OR56A3: variants seen among roughly 807,000 people sequenced by gnomAD.
The protein encoded by OR56A3 is olfactory receptor 56A3.
OR56A3 carries 23 observed loss-of-function variants against 17.5 expected under a neutral mutation model. The observed-to-expected ratio is 1.32, with a 90% CI of 0.95 to 1.87. The LOEUF is 1.87. Among genes scored for constraint, OR56A3 ranks in the 40% most tolerant of loss-of-function variants. The pLI, the probability that OR56A3 is intolerant of heterozygous loss-of-function variation, is 0.00. For synonymous variants in OR56A3, 175 were observed against 150.6 expected (o/e 1.16, Z -1.19); for missense variants, 366 against 380.1 (o/e 0.96, Z 0.31).
chr11:5,991,473 T>C, the OR56A3 span, among the ~76,000 whole-genome samples: 2 of 152,338 alleles, frequency 1.3e-5, no homozygotes, highest in African/African-American at 4.8e-5. Context: ...CCATGTCCAC[T>C]AGCATCTAAA....
the OR56A3 span, chr11:5,994,075 G>T: frequency 6.2e-6 from 3 of 481,026 alleles, no homozygotes; most frequent in South Asian, 1.5e-5. Flanking sequence ...GTTCAGCAGG[G>T]CTTCCTACTC....
chr11:6,003,349 A>G, the OR56A3 span, among the ~76,000 whole-genome samples: 3 of 152,338 alleles, frequency 2.0e-5, no homozygotes, highest in South Asian at 6.2e-4. Flanking sequence ...AATCACAAGT[A>G]TCATTTATTG....
At chr11:6,008,818 A>ACAC in the OR56A3 span, among the ~76,000 whole-genome samples, 3 of 152,146 alleles carry the variant, frequency 2.0e-5, no homozygotes, top group African/African-American at 7.2e-5. Flanking sequence ...ACATATAATT[A>ACAC]CACCAAGGAT....
At chr11:5,996,911 G>C in the OR56A3 span, among the ~76,000 whole-genome samples, 29 of 152,372 alleles carry the variant, frequency 1.9e-4, no homozygotes, top group African/African-American at 6.7e-4. Context: ...GTCCCAGACA[G>C]AGAAGCAGGA....
the OR56A3 span, chr11:5,987,084 A>T: frequency 1.5e-6 from 1 of 673,096 alleles, no homozygotes; most frequent in South Asian, 1.9e-5. Flanking sequence ...TACAAGTGAG[A>T]CATCCACATG....
chr11:5,995,418 C>G, the OR56A3 span, among the ~76,000 whole-genome samples: 1 of 152,140 alleles, frequency 6.6e-6, no homozygotes, highest in South Asian at 2.1e-4. Context: ...AACACACCTC[C>G]TTTTATTTTC....
chr11:5,961,273 C>T, the OR56A3 span, among the ~76,000 whole-genome samples: 9 of 152,194 alleles, frequency 5.9e-5, no homozygotes, highest in African/African-American at 9.7e-5. Context: ...TCATTGAGAA[C>T]GGGCCATGAT....
chr11:5,954,891 T>C (rs1847924917), downstream of OR56A3, among the ~76,000 whole-genome samples: 1 of 152,048 alleles, frequency 6.6e-6, no homozygotes, highest in East Asian at 1.9e-4. Context: ...CTTGGGGACA[T>C]TGAAGAAGTT....
At chr11:6,002,316 T>C in the OR56A3 span, 71 of 1,614,034 alleles carry the variant, frequency 4.4e-5, no homozygotes, top group Non-Finnish European at 5.8e-5. Flanking sequence ...AAGCACAACT[T>C]TCAATATAAA....
At chr11:5,962,157 G>A in the OR56A3 span, among the ~76,000 whole-genome samples, 1 of 152,050 alleles carries the variant, frequency 6.6e-6, no homozygotes, top group Non-Finnish European at 1.5e-5. Context: ...GATGATTTTT[G>A]TTTTTCATTT....
At chr11:5,967,821 A>G in the OR56A3 span, 1 of 1,566,314 alleles carries the variant, frequency 6.4e-7, no homozygotes, top group Non-Finnish European at 8.7e-7. Flanking sequence ...CACAGTTTTC[A>G]AGATAAAAAA....
In OR56A3 at chr11:5,948,126, G is replaced by A. The variant is rs757771620; in HGVS notation, c.780G>A (p.Leu260=). The A allele has an allele frequency of 1.2e-6, 2 of 1,614,178 alleles. No homozygotes were observed. The highest frequency in any genetic ancestry group is 1.1e-5 in the South Asian group (1 of 91,084). ...MLILFFSTIL[L]VFVLTHVAKK... ...TCCTCTTCTTCAGCACCATCCTTCT[G>A]GTTTTTGTCCTCACACATGTGGCTA... The change falls in exon 3 of 3, where the codon CTG becomes CTA. Residue 260 remains leucine, a synonymous_variant. Coordinates refer to ENST00000641160, the MANE Select transcript of OR56A3 (RefSeq NM_001003443.3).
the OR56A3 span, chr11:5,985,898 C>T: frequency 3.9e-6 from 6 of 1,526,646 alleles, no homozygotes; most frequent in Admixed American, 2.1e-5. Context: ...GGCTGTGGTC[C>T]GCAGAAGAAG....
At chr11:5,967,454 T>G in the OR56A3 span, 6 of 884,800 alleles carry the variant, frequency 6.8e-6, no homozygotes, top group Non-Finnish European at 1.0e-5. Flanking sequence ...AAGTCTAAAC[T>G]TATTCTCGCA....
In OR56A3 at chr11:5,945,579, T is replaced by TA. The variant is rs3082300; in HGVS notation, c.-37+521dup. 3.7e-3 allele frequency among the ~76,000 whole-genome samples: 429 copies of TA among 114,512 alleles called. 1 individual carries two copies. The highest frequency in any genetic ancestry group is 8.4e-3 in the South Asian group (29 of 3,466). 75.1% of individuals were successfully genotyped at this position (114,512 alleles called of 152,430 possible). A position where few individuals can be genotyped will look rare whatever the true frequency, so the allele number is the denominator to read the frequency against. ...TCTGGCAACAGAGCTAGACCCCATA[T>TA]AAAAAAAAAAAAAAAAAAAAAAAAT... On this transcript the variant is annotated intron_variant, in intron 2 of 2. Transcript: ENST00000641160.
chr11:5,982,733 C>T, the OR56A3 span, among the ~76,000 whole-genome samples: 1 of 152,126 alleles, frequency 6.6e-6, no homozygotes, highest in Non-Finnish European at 1.5e-5. Flanking sequence ...ACTGGAGTCC[C>T]GTTCCTTCCA....
chr11:5,947,405 G>T lies in OR56A3; in HGVS notation c.59G>T (p.Cys20Phe). ...STEASDFLLN[C>F]FVRSPSWQHW... is the part of the protein sequence containing the mutation. ...GAAGCTTCAGACTTCCTCTTGAATTGTTTTGTCAGATCCCCCAGCTGGCAG... is the reference window on the plus strand; with the variant it reads ...GAAGCTTCAGACTTCCTCTTGAATTTTTTTGTCAGATCCCCCAGCTGGCAG... The change falls in exon 3 of 3, where the codon TGT becomes TTT. Residue 20 changes from cysteine (C) to phenylalanine (F), a missense_variant. Cys to Phe is a radical substitution (Grantham distance 205). Coordinates refer to ENST00000641160, the MANE Select transcript of OR56A3 (RefSeq NM_001003443.3). 6.2e-7 allele frequency: 1 copy of T among 1,614,054 alleles called. No individual in the cohort carries two copies. Among genetic ancestry groups the T allele is most frequent in the Non-Finnish European group, 8.5e-7 (1 of 1,179,958 alleles).
At chr11:6,000,718 G>C in the OR56A3 span, 1 of 152,192 alleles carries the variant, frequency 6.6e-6, no homozygotes, top group Admixed American at 6.5e-5. Context: ...ATTGAAGAGA[G>C]AGAGCAAAAT....
At chr11:5,979,834 C>G in the OR56A3 span, among the ~76,000 whole-genome samples, 1 of 151,876 alleles carries the variant, frequency 6.6e-6, no homozygotes, top group Non-Finnish European at 1.5e-5. Context: ...GCACTATATG[C>G]CTTCCTCTTG....
Sources: allele counts gnomAD v4.1 joint callset (sites outside exome capture counted in the v4.1 genomes callset), GRCh38; gene constraint gnomAD v4.1.1; transcripts MANE v1.5; gene names NCBI Gene and HGNC (gene_info 2026-07-23, HGNC 2026-07-21).